Variants in TRAPPC9 observed in about 807,000 individuals in gnomAD.
TRAPPC9 encodes the protein IKK2 binding protein.
Under a neutral mutation model 124.0 loss-of-function variants are expected in TRAPPC9, and 83 were observed. The ratio of observed to expected loss-of-function variants is 0.67; its 90% CI spans 0.56 to 0.80. TRAPPC9 has a LOEUF of 0.80. TRAPPC9 is among the 30% of genes least tolerant of loss of function. The pLI is 0.00. For missense variants in TRAPPC9, 1,302 were observed against 1,508.3 expected (o/e 0.86, Z 2.27); for synonymous variants, 638 against 617.5 (o/e 1.03, Z -0.49).
intron 21 of TRAPPC9, among the ~76,000 whole-genome samples, chr8:139,795,552 G>C (rs1822992060): frequency 6.7e-6 from 1 of 150,110 alleles, no homozygotes; most frequent in Admixed American, 6.7e-5. Flanking sequence ...TCAAAGCTGG[G>C]CAGGGAGGGG....
intron 7 of TRAPPC9, among the ~76,000 whole-genome samples, chr8:140,394,193 G>C (rs1172970626): frequency 6.6e-6 from 1 of 152,244 alleles, no homozygotes; most frequent in Non-Finnish European, 1.5e-5. Context: ...GGCAACTCCA[G>C]TTGTTAACGG....
chr8:139,813,036 A>G (rs1016844826), intron 21 of TRAPPC9, among the ~76,000 whole-genome samples: 1 of 152,168 alleles, frequency 6.6e-6, no homozygotes, highest in Non-Finnish European at 1.5e-5. Flanking sequence ...ACCCTTCCTC[A>G]GGCTGTCTTC....
At position 140,252,525 on chromosome 8, in the gene TRAPPC9, G is replaced by T; in HGVS notation, c.2431+252C>A. The T allele has an allele frequency of 2.6e-5, 12 of 453,320 alleles. No homozygotes were observed. Among genetic ancestry groups the T allele is most frequent in the East Asian group, 8.1e-5 (2 of 24,542 alleles). The allele number at this position is 453,320 out of a possible 1,614,324, so 28.1% of individuals were successfully genotyped here. ...TTCCTACATTCCACTAATTTAGAAT[G>T]ACCTGCTGGTAAATGAGTACAAAAT... is the stretch of plus-strand genomic sequence containing the variant. On this transcript the variant is annotated intron_variant, in intron 16 of 22. Coordinates refer to ENST00000438773, the MANE Select transcript of TRAPPC9 (RefSeq NM_001160372.4). This position sits in a 1 kb window ranked among gnomAD's most constrained non-coding sequence, Gnocchi z 4.2.
rs111301748 is a variant in TRAPPC9 at position 139,735,169 on chromosome 8, C to T, written c.3056-2967G>A. ...AGGACCAGAAGGACCTGAGCTTGAG[C>T]GCTTCTATCTATGGGACCCCAGGGT... On this transcript the variant is annotated intron_variant, in intron 21 of 22. Transcript: ENST00000438773. Among the ~76,000 whole-genome samples, 1,083 of 152,296 alleles carry T rather than the reference C, an allele frequency of 7.1e-3. 6 individuals carry two copies. The highest frequency in any genetic ancestry group is 0.025 in the African/African-American group (1,024 of 41,572).
intron 16 of TRAPPC9, among the ~76,000 whole-genome samples, chr8:140,251,129 G>C (rs1056500559): frequency 2.0e-5 from 3 of 152,126 alleles, no homozygotes; most frequent in Non-Finnish European, 2.9e-5. Flanking sequence ...GGAATAAGAC[G>C]ACCCTGGCAG....
rs546852046 is a variant in TRAPPC9 at position 139,910,367 on chromosome 8, A to G, written c.2811-67T>C. The G allele has an allele frequency of 6.7e-6, 10 of 1,492,792 alleles. 1 individual carries two copies. The South Asian group carries it at 1.1e-4, about 17-fold the overall frequency. 92.5% of individuals were successfully genotyped at this position (1,492,792 alleles called of 1,614,324 possible). On this transcript the variant is annotated intron_variant, in intron 19 of 22. Coordinates refer to ENST00000438773, the MANE Select transcript of TRAPPC9 (RefSeq NM_001160372.4). ...GGCAATTTCTGCCGGCTGTTGGAGA[A>G]TCAGCACATGCCAGCGTGAGACACT...
intron 7 of TRAPPC9, among the ~76,000 whole-genome samples, chr8:140,372,314 T>C (rs1214209911): frequency 6.6e-6 from 1 of 152,226 alleles, no homozygotes; most frequent in African/African-American, 2.4e-5. Context: ...CTGATGTTTC[T>C]GTGAGTACAG....
chr8:140,458,257 C>T (rs1564040555), upstream of TRAPPC9: 1 of 1,551,778 alleles, frequency 6.4e-7, no homozygotes. Context: ...TGGAAGGAGG[C>T]CCAGTTCTGT....
intron 2 of TRAPPC9, among the ~76,000 whole-genome samples, chr8:140,446,954 TC>T (rs1245692252): frequency 6.6e-6 from 1 of 152,066 alleles, no homozygotes; most frequent in Non-Finnish European, 1.5e-5. Context: ...CTCCCGCAGC[TC>T]CCCTGGCCAC....
chr8:139,845,255 G>T (rs989287608), intron 21 of TRAPPC9, among the ~76,000 whole-genome samples: 1 of 152,178 alleles, frequency 6.6e-6, no homozygotes, highest in Non-Finnish European at 1.5e-5. Context: ...GGTATGGGGA[G>T]GGGGAAAGGA....
At chr8:139,854,326 C>T (rs1827671841) in intron 21 of TRAPPC9, among the ~76,000 whole-genome samples, 1 of 152,232 alleles carries the variant, frequency 6.6e-6, no homozygotes, top group Non-Finnish European at 1.5e-5. Context: ...CCTCAGCTCA[C>T]AGACGCTGCC....
intron 9 of TRAPPC9, among the ~76,000 whole-genome samples, chr8:140,348,040 C>A (rs1160232456): frequency 1.3e-5 from 2 of 152,208 alleles, no homozygotes; most frequent in Non-Finnish European, 2.9e-5. Flanking sequence ...TCCAGCAGCT[C>A]TAAGAAGGGC....
At chr8:140,033,658 G>GTGTT in intron 17 of TRAPPC9, among the ~76,000 whole-genome samples, 1 of 42,398 alleles carries the variant, frequency 2.4e-5, no homozygotes, top group African/African-American at 5.9e-5. Flanking sequence ...TCATAATGTG[G>GTGTT]TTTTTTTTTT....
intron 17 of TRAPPC9, among the ~76,000 whole-genome samples, chr8:140,105,925 G>C (rs1232899324): frequency 6.6e-6 from 1 of 151,768 alleles, no homozygotes; most frequent in Admixed American, 6.6e-5. Flanking sequence ...AGAAGGGTCT[G>C]TCTCTCATCT....
At position 139,732,118 on chromosome 8, in the gene TRAPPC9, A is replaced by G. The variant is rs1173112094; in HGVS notation, c.3140T>C (p.Leu1047Pro). 1 of 1,607,302 alleles carries G rather than the reference A, an allele frequency of 6.2e-7. No individual in the cohort carries two copies. The change falls in exon 22 of 23, where the codon CTG (leucine) becomes CCG (proline). Residue 1047 changes from leucine to proline, a missense_variant. Physicochemically the swap from Leu to Pro is moderately conservative, Grantham distance 98. Around this residue, in one of 3 missense-constraint regions of TRAPPC9, gnomAD observed 640 missense variants for 679.3 expected, o/e 0.94. Coordinates refer to ENST00000438773, the MANE Select transcript of TRAPPC9 (RefSeq NM_001160372.4). ...VGDPVRLEVR[L>P]TNRSPRSVGP... ...TACGCTGCGCGGGCTCCGGTTGGTCAGCCGCACCTCCAGGCGCACGGGGTC... is the reference window on the plus strand; with the variant it reads ...TACGCTGCGCGGGCTCCGGTTGGTCGGCCGCACCTCCAGGCGCACGGGGTC...
At chr8:139,917,334 C>T (rs1441634999) in intron 19 of TRAPPC9, among the ~76,000 whole-genome samples, 1 of 151,886 alleles carries the variant, frequency 6.6e-6, no homozygotes. Flanking sequence ...GCGCCTGCCA[C>T]CATGCCAGGC....
intron 21 of TRAPPC9, among the ~76,000 whole-genome samples, chr8:139,821,459 A>G (rs956311788): frequency 6.6e-6 from 1 of 152,202 alleles, no homozygotes; most frequent in African/African-American, 2.4e-5. Context: ...GAATCTAAGA[A>G]TAGCAGGACC....
chr8:140,417,100 T>C (rs918824428), intron 5 of TRAPPC9, among the ~76,000 whole-genome samples: 1 of 152,188 alleles, frequency 6.6e-6, no homozygotes, highest in Non-Finnish European at 1.5e-5. Flanking sequence ...ACGTAGGACC[T>C]AAAATCATAA....
At chr8:139,973,427 C>A (rs1281807057) in intron 19 of TRAPPC9, among the ~76,000 whole-genome samples, 1 of 147,604 alleles carries the variant, frequency 6.8e-6, no homozygotes, top group African/African-American at 2.6e-5. Context: ...TGGCACCCAC[C>A]CTGCCTTAGC....
Sources: allele counts gnomAD v4.1 joint callset (sites outside exome capture counted in the v4.1 genomes callset), GRCh38; gene constraint gnomAD v4.1.1; regional missense constraint gnomAD v4.1.1; non-coding constraint Gnocchi (gnomAD v3.1); transcripts MANE v1.5; gene names NCBI Gene and HGNC (gene_info 2026-07-23, HGNC 2026-07-21).